The following SMAD1 variants were observed in gnomAD, a reference collection of about 807,000 sequenced individuals.
SMAD1 encodes SMAD family member 1, also known as MAD, mothers against decapentaplegic homolog 1.
Under a neutral mutation model 41.6 loss-of-function variants are expected in SMAD1, and 6 were observed. The ratio of observed to expected loss-of-function variants is 0.14; its 90% CI spans 0.08 to 0.28. The LOEUF (loss-of-function observed/expected upper bound fraction) is 0.28, where lower values mean the gene tolerates loss of function less well. Ranked by LOEUF, SMAD1 falls within the 10% of genes least tolerant of loss-of-function variation. The probability of loss-of-function intolerance (pLI) is 1.00; values close to 1 mark genes in which losing one functional copy is unlikely to be tolerated. For synonymous variants in SMAD1, 206 were observed against 203.2 expected (o/e 1.01, Z -0.12); for missense variants, 379 against 582.6 (o/e 0.65, Z 3.60).
chr4:145,484,325 GAGAA>G (rs943890142), intron 1 of SMAD1, among the ~76,000 whole-genome samples: 3 of 152,206 alleles, frequency 2.0e-5, no homozygotes, highest in African/African-American at 7.2e-5. Context: ...AGAGACGGCA[GAGAA>G]AGCATCATTA....
intron 1 of SMAD1, among the ~76,000 whole-genome samples, chr4:145,484,137 G>A (rs1003949333): frequency 1.3e-5 from 2 of 152,150 alleles, no homozygotes; most frequent in Admixed American, 1.3e-4. Context: ...CTAGTAGATT[G>A]GAAAAAGAAG....
intron 2 of SMAD1, among the ~76,000 whole-genome samples, chr4:145,538,143 C>G (rs767608777): frequency 3.3e-5 from 5 of 152,126 alleles, no homozygotes; most frequent in Non-Finnish European, 7.4e-5. Context: ...TAATTCAAGT[C>G]ACAGCAGCTA....
At chr4:145,542,784 T>C (rs954245813) in intron 4 of SMAD1, 86 bp downstream of exon 4, 30 of 850,180 alleles carry the variant, frequency 3.5e-5, no homozygotes, top group African/African-American at 3.4e-5. Flanking sequence ...TATTAGTCTT[T>C]AAAAAGAGAG....
rs569704164 is a variant in SMAD1, at chr4:145,520,758, T to C, written c.400+5745T>C. Among the ~76,000 whole-genome samples, 24 of 152,306 alleles carry C rather than the reference T, an allele frequency of 1.6e-4. No individual in the cohort carries two copies. The East Asian group carries it at 4.2e-3, about 27-fold the overall frequency. On this transcript the variant is annotated intron_variant, in intron 2 of 6. Transcript: ENST00000302085. ...CAAGTTTTGGAATTGTTCTTTAGAG[T>C]GTACTATCTCTATCTCTTTGACAAA...
intron 2 of SMAD1, among the ~76,000 whole-genome samples, chr4:145,531,357 G>A (rs757308795): frequency 2.6e-5 from 4 of 152,152 alleles, no homozygotes; most frequent in East Asian, 1.9e-4. Context: ...CATCTGTCTC[G>A]TGTAGGCATC....
chr4:145,501,234 AG>A (rs1729419977), intron 1 of SMAD1, among the ~76,000 whole-genome samples: 1 of 152,206 alleles, frequency 6.6e-6, no homozygotes, highest in Non-Finnish European at 1.5e-5. Flanking sequence ...TCACCTGTGG[AG>A]GAAGTGGCCT....
chr4:145,494,679 G>A lies in SMAD1; in HGVS notation c.-177+12641G>A, dbSNP rs146840197. 3.1e-3 allele frequency among the ~76,000 whole-genome samples: 477 copies of A among 152,262 alleles called. 1 individual carries two copies. The highest frequency in any genetic ancestry group is 0.011 in the African/African-American group (449 of 41,538). On this transcript the variant is annotated intron_variant, in intron 1 of 6. Coordinates refer to ENST00000302085, the MANE Select transcript of SMAD1 (RefSeq NM_005900.3). ...GTTAATATCCAGCAACATTAAGAAC[G>A]GTTGGGCTGGCACACAGTAGGTACT...
intron 6 of SMAD1, among the ~76,000 whole-genome samples, chr4:145,557,568 T>A (rs1396420269): frequency 6.6e-6 from 1 of 152,204 alleles, no homozygotes. Flanking sequence ...CTTATTGGAA[T>A]CCATGGATGG....
chr4:145,490,870 G>C (rs996615669), intron 1 of SMAD1, among the ~76,000 whole-genome samples: 10 of 152,156 alleles, frequency 6.6e-5, no homozygotes, highest in Non-Finnish European at 1.5e-4. Context: ...ATTGTATTCT[G>C]AATTTTTCTG....
chr4:145,498,495 T>G (rs142134991), intron 1 of SMAD1, among the ~76,000 whole-genome samples: 77 of 152,296 alleles, frequency 5.1e-4, no homozygotes, highest in African/African-American at 1.9e-3. Flanking sequence ...CTACTGTCAG[T>G]TTTTATTTAT....
intron 1 of SMAD1, among the ~76,000 whole-genome samples, chr4:145,504,925 G>A (rs566056470): frequency 6.6e-6 from 1 of 152,212 alleles, no homozygotes; most frequent in Admixed American, 6.5e-5. Context: ...ATATTTATTG[G>A]CCTTAAATTG....
At chr4:145,545,557 TTTGTG>T (rs964479115) in intron 4 of SMAD1, 2 of 141,252 alleles carry the variant, frequency 1.4e-5, no homozygotes, top group Non-Finnish European at 3.0e-5. Flanking sequence ...TTGTTTTTTT[TTTGTG>T]TGTGTGTGTG....
At chr4:145,511,187 C>T (rs550224533) in intron 1 of SMAD1, among the ~76,000 whole-genome samples, 61 of 152,234 alleles carry the variant, frequency 4.0e-4, no homozygotes, top group Admixed American at 5.9e-4. Flanking sequence ...TAAGTAATTG[C>T]TTATACTTTG....
At chr4:145,484,580 C>G (rs940231055) in intron 1 of SMAD1, 5 of 152,168 alleles carry the variant, frequency 3.3e-5, no homozygotes, top group Non-Finnish European at 7.3e-5. Flanking sequence ...CCAGGGATAC[C>G]AGTGTGTGTG....
intron 2 of SMAD1, among the ~76,000 whole-genome samples, chr4:145,537,608 A>G (rs902004813): frequency 2.6e-5 from 4 of 152,182 alleles, no homozygotes; most frequent in Non-Finnish European, 5.9e-5. Flanking sequence ...GCAGCAGAAG[A>G]TAAAATTGTA....
intron 1 of SMAD1, among the ~76,000 whole-genome samples, chr4:145,511,632 TTTA>T (rs1730083540): frequency 6.6e-6 from 1 of 152,238 alleles, no homozygotes; most frequent in Non-Finnish European, 1.5e-5. Context: ...CAGTTGTTGC[TTTA>T]TTATGACATG....
intron 1 of SMAD1, among the ~76,000 whole-genome samples, chr4:145,495,875 G>A (rs1181089864): frequency 6.6e-6 from 1 of 150,806 alleles, no homozygotes; most frequent in Non-Finnish European, 1.5e-5. Flanking sequence ...CTTCCAAAGT[G>A]CTGGGATTAC....
chr4:145,542,556 A>G, intron 3 of SMAD1, 26 bp from the exon 4 acceptor site: 1 of 1,424,900 alleles, frequency 7.0e-7, no homozygotes, highest in Non-Finnish European at 9.8e-7. Context: ...AAGGGTTAAG[A>G]AATAACTTCT....
At chr4:145,508,138 C>CT (rs930394787) in intron 1 of SMAD1, among the ~76,000 whole-genome samples, 1 of 149,086 alleles carries the variant, frequency 6.7e-6, no homozygotes, top group Non-Finnish European at 1.5e-5. Flanking sequence ...GAAGATATTA[C>CT]CTTAGTTGTC....
Sources: allele counts gnomAD v4.1 joint callset (sites outside exome capture counted in the v4.1 genomes callset), GRCh38; gene constraint gnomAD v4.1.1; transcripts MANE v1.5; gene names NCBI Gene and HGNC (gene_info 2026-07-23, HGNC 2026-07-21).